VXN: variants seen among roughly 807,000 people sequenced by gnomAD.
VXN encodes the protein vexin.
Under a neutral mutation model 23.1 loss-of-function variants are expected in VXN, and 7 were observed. That is an observed-to-expected ratio of 0.30 (90% CI 0.17 to 0.57). VXN has a LOEUF of 0.57. VXN is among the 20% of genes least tolerant of loss of function. VXN has a pLI of 0.91. For synonymous variants in VXN, 120 were observed against 105.8 expected, an observed-to-expected ratio of 1.13 and a Z score of -0.83; for missense variants, 238 against 272.6, an observed-to-expected ratio of 0.87 and a Z score of 0.89.
At chr8:66,505,977 T>A (rs1026795134) in intron 3 of VXN, among the ~76,000 whole-genome samples, 3 of 151,944 alleles carry the variant, frequency 2.0e-5, no homozygotes, top group Non-Finnish European at 4.4e-5. Flanking sequence ...AAAGATGGGG[T>A]CTTGCTGTGT....
intron 2 of VXN, among the ~76,000 whole-genome samples, chr8:66,499,210 G>A (rs1362394009): frequency 7.0e-6 from 1 of 143,344 alleles, no homozygotes; most frequent in African/African-American, 2.6e-5. Flanking sequence ...CATTCAATAA[G>A]TATTGGGTTG....
In VXN at chr8:66,506,223, G is replaced by C. The variant is rs890714037; in HGVS notation, c.280+695G>C. On this transcript the variant is annotated intron_variant, in intron 3 of 5. Coordinates refer to ENST00000305454, the MANE Select transcript of VXN (RefSeq NM_152765.4). ...TTTATTTAACAGAGAGAGAGAGAGA[G>C]AGAGAGACAGTGTGTGTGTGTGTGT... is the stretch of plus-strand genomic sequence containing the variant. 9.7e-4 allele frequency among the ~76,000 whole-genome samples: 140 copies of C among 143,824 alleles called. 1 individual carries two copies. The highest frequency in any genetic ancestry group is 3.6e-3 in the African/African-American group (135 of 37,332). 94.4% of individuals were successfully genotyped at this position (143,824 alleles called of 152,430 possible).
chr8:66,513,542 A>G lies in VXN; in HGVS notation c.345A>G (p.Ile115Met). The G allele has an allele frequency of 6.2e-7, 1 of 1,613,400 alleles. No homozygotes were observed. ...TCCCTCCCGCTTCCTCATGACAGAT[A>G]CCGCCAGTGCCCCGGATCTCAGTGA... The part of the protein sequence containing the change: ...CGNRAYGKSL[I>M]PPVPRISVKT... The change falls in exon 5 of 6, where the codon ATA becomes ATG. Residue 115 changes from isoleucine to methionine, a missense_variant and splice_region_variant. Around this residue, in one of 2 missense-constraint regions of VXN, gnomAD observed 223 missense variants for 236.9 expected, o/e 0.94. Coordinates refer to ENST00000305454, the MANE Select transcript of VXN (RefSeq NM_152765.4).
chr8:66,505,428 C>T lies in VXN; in HGVS notation c.180C>T (p.His60=). Residue 60 remains histidine, a synonymous_variant, in exon 3 of 6, where the codon CAC becomes CAT. Coordinates refer to ENST00000305454, the MANE Select transcript of VXN (RefSeq NM_152765.4). ...YTHQPLELLP[H]RGDRRDPGDR... ...ACCAGCCCCTGGAGCTGCTGCCCCA[C>T]CGCGGAGACCGCAGGGACCCTGGCG... 1 of 1,578,268 alleles carries T rather than the reference C, an allele frequency of 6.3e-7. No individual in the cohort carries two copies. The highest frequency in any genetic ancestry group is 1.2e-5 in the South Asian group (1 of 86,362).
At chr8:66,508,439 G>A (rs1317519031) in intron 3 of VXN, among the ~76,000 whole-genome samples, 5 of 152,036 alleles carry the variant, frequency 3.3e-5, no homozygotes, top group Non-Finnish European at 1.5e-5. Context: ...CCTGGCCCCT[G>A]CCCTCCAGAC....
At chr8:66,503,588 G>C (rs1457819977) in intron 2 of VXN, 1 of 152,228 alleles carries the variant, frequency 6.6e-6, no homozygotes, top group African/African-American at 2.4e-5. Context: ...TCAGCTGGCA[G>C]TTTGCTGACC....
intron 2 of VXN, 144 bp from the exon 3 acceptor site, chr8:66,505,231 C>A: frequency 8.7e-7 from 1 of 1,149,464 alleles, no homozygotes; most frequent in Non-Finnish European, 1.3e-6. Flanking sequence ...GATTTTGTCG[C>A]TGTTCCTAGA....
In VXN at chr8:66,517,289, GC is replaced by G. The variant is rs1297875206; in HGVS notation, c.*1215del. On this transcript the variant is annotated 3_prime_UTR_variant, in exon 6 of 6. Coordinates refer to ENST00000305454, the MANE Select transcript of VXN (RefSeq NM_152765.4). ...TACTTATAGCTATCATCTATTAAAT[GC>G]CTATGTTTCAGGCATGATACTAGGC... 6.6e-6 allele frequency: 1 copy of G among 152,070 alleles called. No individual in the cohort carries two copies. The highest frequency in any genetic ancestry group is 3.2e-3 in the Middle Eastern group (1 of 316). 9.4% of individuals were successfully genotyped at this position (152,070 alleles called of 1,614,324 possible).
chr8:66,512,900 G>C (rs916948823), intron 4 of VXN, among the ~76,000 whole-genome samples: 3 of 152,230 alleles, frequency 2.0e-5, no homozygotes, highest in African/African-American at 4.8e-5. Flanking sequence ...GATAGAGGGC[G>C]TCCTGTGCTG....
At chr8:66,510,055 A>C (rs890446985) in intron 3 of VXN, 41 bp from the exon 4 acceptor site, 2 of 1,575,844 alleles carry the variant, frequency 1.3e-6, no homozygotes, top group African/African-American at 2.7e-5. Flanking sequence ...GGCAGAACAC[A>C]GAGTACCACT....
intron 2 of VXN, among the ~76,000 whole-genome samples, chr8:66,503,727 C>A (rs1807716754): frequency 6.6e-6 from 1 of 152,264 alleles, no homozygotes; most frequent in Non-Finnish European, 1.5e-5. Flanking sequence ...CTACTCAGAC[C>A]AGTGTGTTCT....
chr8:66,511,653 C>A (rs1296861618), intron 4 of VXN, among the ~76,000 whole-genome samples: 1 of 152,188 alleles, frequency 6.6e-6, no homozygotes, highest in East Asian at 1.9e-4. Flanking sequence ...CTGGCCCCAG[C>A]CCTTAAGCTG....
chr8:66,506,125 TAG>T (rs1401394129), intron 3 of VXN, among the ~76,000 whole-genome samples: 2 of 151,830 alleles, frequency 1.3e-5, no homozygotes, highest in African/African-American at 4.8e-5. Context: ...TACTGTATTC[TAG>T]AGAGAGTGTA....
At chr8:66,512,337 G>A (rs1468700796) in intron 4 of VXN, among the ~76,000 whole-genome samples, 1 of 152,190 alleles carries the variant, frequency 6.6e-6, no homozygotes, top group East Asian at 1.9e-4. Context: ...GGCATAATGG[G>A]AAGGAAGCGT....
At chr8:66,499,337 A>G (rs1458569784) in intron 2 of VXN, among the ~76,000 whole-genome samples, 1 of 146,902 alleles carries the variant, frequency 6.8e-6, no homozygotes, top group Non-Finnish European at 1.5e-5. Flanking sequence ...GGCTCAAGTG[A>G]TCCTCCCTTC....
chr8:66,507,604 A>AGTCAGTCTT (rs1272183091), intron 3 of VXN, among the ~76,000 whole-genome samples: 1 of 152,204 alleles, frequency 6.6e-6, no homozygotes, highest in Non-Finnish European at 1.5e-5. Flanking sequence ...GGGCTGCCTG[A>AGTCAGTCTT]GTCAGTCTTT....
At chr8:66,499,125 A>AT (rs1229307242) in intron 2 of VXN, among the ~76,000 whole-genome samples, 1 of 136,874 alleles carries the variant, frequency 7.3e-6, no homozygotes, top group Non-Finnish European at 1.6e-5. Context: ...TTATTTTTTT[A>AT]TTTTTTTCTC....
rs61736276 is a variant in VXN, at chr8:66,505,528, G to A, written c.280G>A (p.Val94Met). 1,028 of 1,501,438 alleles carry A rather than the reference G, an allele frequency of 6.8e-4. 9 individuals carry two copies. The African/African-American group carries it at 0.013, about 19-fold the overall frequency. The allele number at this position is 1,501,438 out of a possible 1,614,324, so 93.0% of individuals were successfully genotyped here. A position where few individuals can be genotyped will look rare whatever the true frequency, so the allele number is the denominator to read the frequency against. Residue 94 changes from valine to methionine, a missense_variant and splice_region_variant, in exon 3 of 6, where the codon GTG (valine) becomes ATG (methionine). By Grantham distance (21) the Val-to-Met change is conservative. Coordinates refer to ENST00000305454, the MANE Select transcript of VXN (RefSeq NM_152765.4). ...AHPAKASARP[V>M]GISEPKTSNL... The stretch of plus-strand genomic sequence containing the variant: ...CCCGGCCAAAGCCTCTGCCAGACCC[G>A]GTACGTGAGTCCCGGCCCCAGCTCC...
At chr8:66,506,316 C>T (rs1336033526) in intron 3 of VXN, among the ~76,000 whole-genome samples, 1 of 146,948 alleles carries the variant, frequency 6.8e-6, no homozygotes, top group African/African-American at 2.5e-5. Context: ...TAAAATCTTA[C>T]CATTCTAAAT....
Sources: gnomAD v4.1 joint callset for allele counts (sites outside exome capture counted in the v4.1 genomes callset) on GRCh38, gnomAD v4.1.1 for gene constraint, gnomAD v4.1.1 regional missense constraint, MANE v1.5 for transcripts, NCBI Gene and HGNC (gene_info 2026-07-23, HGNC 2026-07-21) for gene names.